KDM1B: variants seen among roughly 807,000 people sequenced by gnomAD.
KDM1B encodes the protein lysine demethylase 1B.
A neutral mutation model predicts 107.4 loss-of-function variants in KDM1B; 63 were observed. That is an observed-to-expected ratio of 0.59 (90% CI 0.48 to 0.72). The LOEUF is 0.72. Among genes scored for constraint, KDM1B ranks in the 30% least tolerant of loss-of-function variants. KDM1B has a pLI of 0.00. For synonymous variants in KDM1B, 363 were observed against 363.9 expected (o/e 1.00, Z 0.03); for missense variants, 749 against 1,020.8 (o/e 0.73, Z 3.63).
chr6:18,193,967 G>A (rs1267153019), intron 10 of KDM1B, among the ~76,000 whole-genome samples: 1 of 152,016 alleles, frequency 6.6e-6, no homozygotes, highest in Non-Finnish European at 1.5e-5. Flanking sequence ...TCCGCCTCCT[G>A]GGTTCAAGCG....
chr6:18,188,233 T>C (rs1042851950), intron 9 of KDM1B, among the ~76,000 whole-genome samples: 2 of 152,074 alleles, frequency 1.3e-5, no homozygotes, highest in Non-Finnish European at 2.9e-5. Context: ...AATAAATAAA[T>C]AGATAAAAAT....
chr6:18,215,644 T>C (rs1389082629), intron 20 of KDM1B, among the ~76,000 whole-genome samples: 1 of 152,180 alleles, frequency 6.6e-6, no homozygotes, highest in Non-Finnish European at 1.5e-5. Flanking sequence ...ACATGGGAAT[T>C]TGAGGGAGAC....
intron 6 of KDM1B, among the ~76,000 whole-genome samples, chr6:18,169,304 G>T (rs1785508233): frequency 6.7e-6 from 1 of 149,422 alleles, no homozygotes; most frequent in Non-Finnish European, 1.5e-5. Flanking sequence ...TGCCATCTCT[G>T]GCTCACTGCA....
In KDM1B at chr6:18,222,176, ATAAGCACTTAGATTT is replaced by A; in HGVS notation, c.*185_*199del. 1 of 697,124 alleles carries A rather than the reference ATAAGCACTTAGATTT, an allele frequency of 1.4e-6. No homozygotes were observed. The highest frequency in any genetic ancestry group is 1.5e-5 in the South Asian group (1 of 67,016). The allele number at this position is 697,124 out of a possible 1,614,324, so 43.2% of individuals were successfully genotyped here. On this transcript the variant is annotated 3_prime_UTR_variant, in exon 22 of 22. Coordinates refer to ENST00000650836, the MANE Select transcript of KDM1B (RefSeq NM_001364614.2). Reference sequence around the variant, plus strand: ...AAAAGCACTGACCTCAAAAAACCTTATAAGCACTTAGATTTAATTGCATTTTCCATAGGTTCAACT... The same window carrying A: ...AAAAGCACTGACCTCAAAAAACCTTAAATTGCATTTTCCATAGGTTCAACT...
Position 18,186,472 on chromosome 6 carries a change from C to A in KDM1B, c.573+662C>A, listed in dbSNP as rs887344966. 3.3e-5 allele frequency among the ~76,000 whole-genome samples: 5 copies of A among 152,096 alleles called. No individual in the cohort carries two copies. The highest frequency in any genetic ancestry group is 1.2e-4 in the African/African-American group (5 of 41,396). On this transcript the variant is annotated intron_variant, in intron 8 of 21. Coordinates refer to ENST00000650836, the MANE Select transcript of KDM1B (RefSeq NM_001364614.2). The surrounding 1 kb of genome is among the most constrained non-coding windows in gnomAD (Gnocchi z 5.6). ...TTCAGTGATTCAGGATTGGATTGTT[C>A]TAGATGTCTGAAACTCAGGAACTAC...
chr6:18,174,659 T>C (rs1053576880), intron 7 of KDM1B, among the ~76,000 whole-genome samples: 5 of 151,652 alleles, frequency 3.3e-5, no homozygotes, highest in Admixed American at 3.3e-4. Flanking sequence ...GTCATTCATA[T>C]GCCTTTGTGT....
In KDM1B at chr6:18,214,521, T is replaced by C. The variant is rs186269221; in HGVS notation, c.2110-486T>C. On this transcript the variant is annotated intron_variant, in intron 19 of 21. Transcript: ENST00000650836. The surrounding 1 kb of genome is among the most constrained non-coding windows in gnomAD (Gnocchi z 4.4). ...TCTTTTCCAGCAGGAAGCAATAGAGTGGATGGATGAATAATGAGTGTTTGC... is the reference window on the plus strand; with the variant it reads ...TCTTTTCCAGCAGGAAGCAATAGAGCGGATGGATGAATAATGAGTGTTTGC... Among the ~76,000 whole-genome samples the C allele has an allele frequency of 3.9e-5, 6 of 151,916 alleles. No individual in the cohort carries two copies. Among genetic ancestry groups the C allele is most frequent in the African/African-American group, 1.4e-4 (6 of 41,412 alleles).
At chr6:18,160,910 C>T (rs902159922) in intron 3 of KDM1B, among the ~76,000 whole-genome samples, 1 of 147,262 alleles carries the variant, frequency 6.8e-6, no homozygotes, top group African/African-American at 2.5e-5. Context: ...TGCCACAATG[C>T]CTGGTTGATT....
chr6:18,161,747 A>G lies in KDM1B; in HGVS notation c.215+293A>G, dbSNP rs898736858. 6.6e-5 allele frequency among the ~76,000 whole-genome samples: 10 copies of G among 152,092 alleles called. No homozygotes were observed. The South Asian group carries it at 1.7e-3, about 25-fold the overall frequency. On this transcript the variant is annotated intron_variant, in intron 4 of 21. Coordinates refer to ENST00000650836, the MANE Select transcript of KDM1B (RefSeq NM_001364614.2). ...CCAAGGGTTGAGGGTGGGATGGTGT[A>G]TGTCGTGGTGAGACAGTAGAGAGAA...
Position 18,172,809 on chromosome 6 carries a change from G to T in KDM1B, c.534+1330G>T, listed in dbSNP as rs141594679. 1.5e-3 allele frequency among the ~76,000 whole-genome samples: 224 copies of T among 152,156 alleles called. No individual in the cohort carries two copies. The highest frequency in any genetic ancestry group is 5.3e-3 in the African/African-American group (219 of 41,482). On this transcript the variant is annotated intron_variant, in intron 7 of 21. Coordinates refer to ENST00000650836, the MANE Select transcript of KDM1B (RefSeq NM_001364614.2). The surrounding 1 kb of genome is among the most constrained non-coding windows in gnomAD (Gnocchi z 5.2). ...TATGAATAAAAACATATTAGGAGTGGTTGGGCGCGGTGGCTCACACCTGTA... is the reference window on the plus strand; with the variant it reads ...TATGAATAAAAACATATTAGGAGTGTTTGGGCGCGGTGGCTCACACCTGTA...
chr6:18,221,871 C>CTT (rs140834), intron 21 of KDM1B, 38 bp from the exon 22 acceptor site: 362,194 of 1,498,602 alleles, frequency 0.24, 52,060 homozygotes, highest in African/African-American at 0.58. Context: ...CAACTCAACT[C>CTT]TATGCATGAT....
Position 18,191,194 on chromosome 6 carries a change from C to G in KDM1B, c.785-3C>G. On this transcript the variant is annotated splice_polypyrimidine_tract_variant and splice_region_variant and intron_variant, in intron 9 of 21. Transcript: ENST00000650836. The surrounding 1 kb of genome is among the most constrained non-coding windows in gnomAD (Gnocchi z 5.1). ...GGAGTTGCCCATTTGTGTTACCTAT[C>G]AGTTCCAGGCATGAACCGATACTTC... is the stretch of plus-strand genomic sequence containing the variant. 1.3e-6 allele frequency: 2 copies of G among 1,549,236 alleles called. No individual in the cohort carries two copies. The highest frequency in any genetic ancestry group is 1.7e-6 in the Non-Finnish European group (2 of 1,146,376).
At chr6:18,187,019 G>A (rs1786909259) in intron 8 of KDM1B, among the ~76,000 whole-genome samples, 1 of 136,226 alleles carries the variant, frequency 7.3e-6, no homozygotes, top group African/African-American at 3.2e-5. Flanking sequence ...CCAGGCTCCA[G>A]AATAGACATT....
In KDM1B at chr6:18,204,385, G is replaced by A. The variant is rs527751306; in HGVS notation, c.1532-1152G>A. 3.9e-5 allele frequency among the ~76,000 whole-genome samples: 6 copies of A among 152,210 alleles called. No individual in the cohort carries two copies. In the South Asian group the frequency reaches 1.0e-3, roughly 26 times the overall value. On this transcript the variant is annotated intron_variant, in intron 14 of 21. Coordinates refer to ENST00000650836, the MANE Select transcript of KDM1B (RefSeq NM_001364614.2). The surrounding 1 kb of genome is among the most constrained non-coding windows in gnomAD (Gnocchi z 4.9). ...TGTAGTCCCAGCTACTTGGGAGGCC[G>A]ATTGCTGGAGCCCCGGAAGTTGAGG...
intron 6 of KDM1B, among the ~76,000 whole-genome samples, chr6:18,168,497 T>A (rs1356382574): frequency 2.0e-5 from 3 of 152,258 alleles, no homozygotes; most frequent in Admixed American, 2.0e-4. Flanking sequence ...ACAGTTTTTT[T>A]AAGCATTCAT....
chr6:18,156,509 G>A (rs1784618752), intron 2 of KDM1B, among the ~76,000 whole-genome samples: 1 of 152,064 alleles, frequency 6.6e-6, no homozygotes, highest in Non-Finnish European at 1.5e-5. Context: ...AAGGCGAGTG[G>A]GAGAGAAGGC....
At chr6:18,208,628 T>TATATATATATATGTATATA (rs1491350264) in intron 17 of KDM1B, among the ~76,000 whole-genome samples, 1 of 16,248 alleles carries the variant, frequency 6.2e-5, no homozygotes, top group Non-Finnish European at 1.1e-4. Context: ...TATATATATA[T>TATATATATATATGTATATA]TTTTTTTTTT....
rs1349251860 is a variant in KDM1B at position 18,204,300 on chromosome 6, C to T, written c.1532-1237C>T. 6.6e-6 allele frequency among the ~76,000 whole-genome samples: 1 copy of T among 151,980 alleles called. No homozygotes were observed. Among genetic ancestry groups the T allele is most frequent in the Non-Finnish European group, 1.5e-5 (1 of 68,014 alleles). ...AGGAGTTTGAGACCAGCCTGGGCAACATGGTGAAACCCATCTCTACTAAAA... is the reference window on the plus strand; with the variant it reads ...AGGAGTTTGAGACCAGCCTGGGCAATATGGTGAAACCCATCTCTACTAAAA... On this transcript the variant is annotated intron_variant, in intron 14 of 21. Coordinates refer to ENST00000650836, the MANE Select transcript of KDM1B (RefSeq NM_001364614.2). The surrounding 1 kb of genome is among the most constrained non-coding windows in gnomAD (Gnocchi z 4.9).
chr6:18,217,613 G>A (rs1789348248), intron 20 of KDM1B, 120 bp from the exon 21 acceptor site: 4 of 711,304 alleles, frequency 5.6e-6, no homozygotes, highest in African/African-American at 5.3e-5. Flanking sequence ...TCCTGACCTT[G>A]TGATCCACCC....
Sources: gnomAD v4.1 joint callset for allele counts (sites outside exome capture counted in the v4.1 genomes callset) on GRCh38, gnomAD v4.1.1 for gene constraint, Gnocchi (gnomAD v3.1) non-coding constraint, MANE v1.5 for transcripts, NCBI Gene and HGNC (gene_info 2026-07-23, HGNC 2026-07-21) for gene names.